Variants in PEAK1 observed in about 807,000 individuals in gnomAD.
PEAK1 encodes pseudopodium enriched atypical kinase 1.
Under a neutral mutation model 124.7 loss-of-function variants are expected in PEAK1, and 54 were observed. The ratio of observed to expected loss-of-function variants is 0.43; its 90% CI spans 0.35 to 0.54. The LOEUF is 0.54. Among genes scored for constraint, PEAK1 ranks in the 20% least tolerant of loss-of-function variants. The pLI is 0.01. For missense variants in PEAK1, 2,046 were observed against 2,134.5 expected (o/e 0.96, Z 0.82); for synonymous variants, 719 against 760.0 (o/e 0.95, Z 0.89).
rs757822813 is a variant in PEAK1, at chr15:77,114,912, C to T, written c.4485G>A (p.Leu1495=). 6.2e-7 allele frequency: 1 copy of T among 1,613,884 alleles called. No homozygotes were observed. The highest frequency in any genetic ancestry group is 1.3e-5 in the African/African-American group (1 of 74,878). ...GACCAGAGCATAGCTGTAAGAGCAG[C>T]AGACACACCTGCCTCTCATACAAAT... ...SPDLYERQVC[L]LLLQLCSGLE... is the part of the protein sequence containing the mutation. The change falls in exon 10 of 10, where the codon CTG becomes CTA. Residue 1495 remains leucine, a synonymous_variant. Coordinates refer to ENST00000682557, the MANE Select transcript of PEAK1 (RefSeq NM_001385026.1).
intron 6 of PEAK1, among the ~76,000 whole-genome samples, chr15:77,218,386 C>G (rs2059237693): frequency 6.6e-6 from 1 of 151,684 alleles, no homozygotes; most frequent in Admixed American, 6.6e-5. Context: ...TTGAAATAAT[C>G]ATGTTTTTTT....
intron 2 of PEAK1, among the ~76,000 whole-genome samples, chr15:77,330,317 G>A (rs2065820933): frequency 6.6e-6 from 1 of 152,052 alleles, no homozygotes; most frequent in Non-Finnish European, 1.5e-5. Context: ...TCTCTTGACA[G>A]GGTTATTACA....
intron 2 of PEAK1, chr15:77,347,661 T>C (rs1371151253): frequency 1.5e-5 from 15 of 976,078 alleles, no homozygotes; most frequent in Non-Finnish European, 1.7e-5. Flanking sequence ...TATAACAACA[T>C]AAAACAACAC....
At chr15:77,411,113 A>G (rs541604038) in intron 1 of PEAK1, among the ~76,000 whole-genome samples, 1 of 152,258 alleles carries the variant, frequency 6.6e-6, no homozygotes, top group South Asian at 2.1e-4. Context: ...CAGATGATAA[A>G]TGTGAATGTC....
intron 1 of PEAK1, chr15:77,404,832 A>T: frequency 2.1e-6 from 2 of 949,946 alleles, no homozygotes; most frequent in Non-Finnish European, 2.5e-6. Context: ...ATCGAATGTA[A>T]CTTAGCAATA....
chr15:77,100,665 A>G (rs1013535292), exon 7 of PEAK1: 4 of 152,222 alleles, frequency 2.6e-5, no homozygotes, highest in African/African-American at 2.4e-5. Context: ...TCGCCTGATC[A>G]CTTTATTAGC....
intron 1 of PEAK1, among the ~76,000 whole-genome samples, chr15:77,371,777 A>G (rs1018812102): frequency 4.6e-5 from 7 of 152,174 alleles, no homozygotes; most frequent in African/African-American, 1.7e-4. Context: ...AATTGCAGCT[A>G]CTCGGGAGGC....
In PEAK1 at chr15:77,112,493, T is replaced by C. The variant is rs996111530; in HGVS notation, c.*1663A>G. ...ACATGTCTGTCAACCCTGCCACAGG[T>C]TGCTTTTCTAGAGGCCTGGCCTCTA... is the stretch of plus-strand genomic sequence containing the variant. On this transcript the variant is annotated 3_prime_UTR_variant, in exon 10 of 10. Coordinates refer to ENST00000682557, the MANE Select transcript of PEAK1 (RefSeq NM_001385026.1). 6.6e-6 allele frequency: 1 copy of C among 152,238 alleles called. No individual in the cohort carries two copies. Among genetic ancestry groups the C allele is most frequent in the African/African-American group, 2.4e-5 (1 of 41,460 alleles). 9.4% of individuals were successfully genotyped at this position (152,238 alleles called of 1,614,324 possible). A position where few individuals can be genotyped will look rare whatever the true frequency, so the allele number is the denominator to read the frequency against.
At chr15:77,171,326 C>A (rs1220399006) in intron 7 of PEAK1, among the ~76,000 whole-genome samples, 1 of 152,010 alleles carries the variant, frequency 6.6e-6, no homozygotes, top group Non-Finnish European at 1.5e-5. Context: ...CTGAGAACAT[C>A]TGAAAATAAT....
intron 6 of PEAK1, among the ~76,000 whole-genome samples, chr15:77,192,111 A>C (rs1395062719): frequency 6.6e-6 from 1 of 152,254 alleles, no homozygotes; most frequent in Non-Finnish European, 1.5e-5. Context: ...AGAAATATCC[A>C]GATCTTTAAT....
intron 2 of PEAK1, among the ~76,000 whole-genome samples, chr15:77,340,725 A>G (rs1282379126): frequency 6.6e-6 from 1 of 152,192 alleles, no homozygotes; most frequent in Non-Finnish European, 1.5e-5. Flanking sequence ...TTGTAATTCA[A>G]TTCTGGCACT....
intron 8 of PEAK1, chr15:77,155,077 G>A (rs1246707680): frequency 6.6e-6 from 1 of 152,204 alleles, no homozygotes; most frequent in Non-Finnish European, 1.5e-5. Flanking sequence ...CCTGCAGAGT[G>A]TTTTCCAGCT....
At chr15:77,189,962 G>T (rs1196524004) in intron 6 of PEAK1, among the ~76,000 whole-genome samples, 1 of 152,116 alleles carries the variant, frequency 6.6e-6, no homozygotes, top group African/African-American at 2.4e-5. Flanking sequence ...GTGGGAAAAA[G>T]GAAATTGGGA....
At chr15:77,281,020 TG>T (rs1000694047) in intron 5 of PEAK1, among the ~76,000 whole-genome samples, 1 of 151,976 alleles carries the variant, frequency 6.6e-6, no homozygotes, top group Non-Finnish European at 1.5e-5. Context: ...ATTAGCCAGG[TG>T]GGGTGACACC....
intron 2 of PEAK1, chr15:77,351,005 A>G (rs2067175414): frequency 1.1e-6 from 1 of 938,938 alleles, no homozygotes; most frequent in Non-Finnish European, 1.3e-6. Flanking sequence ...ACTAGGCACT[A>G]TTGGTATTAG....
At chr15:77,340,243 G>A (rs930857766) in intron 2 of PEAK1, among the ~76,000 whole-genome samples, 3 of 152,140 alleles carry the variant, frequency 2.0e-5, no homozygotes, top group South Asian at 4.1e-4. Context: ...CAATAGGTAT[G>A]GATAAAGTGT....
At chr15:77,219,838 TGAGA>T (rs1479669102) in intron 6 of PEAK1, among the ~76,000 whole-genome samples, 1 of 152,148 alleles carries the variant, frequency 6.6e-6, no homozygotes, top group East Asian at 1.9e-4. Flanking sequence ...TTTAACTAAT[TGAGA>T]CTCTAAATTC....
intron 9 of PEAK1, among the ~76,000 whole-genome samples, chr15:77,125,267 T>C (rs191974840): frequency 1.3e-5 from 2 of 152,230 alleles, no homozygotes; most frequent in Admixed American, 1.3e-4. Context: ...AGAGGAAGCA[T>C]GTTTTTGTTT....
At chr15:77,318,292 G>C (rs960434725) in intron 2 of PEAK1, among the ~76,000 whole-genome samples, 2 of 152,122 alleles carry the variant, frequency 1.3e-5, no homozygotes, top group Admixed American at 1.3e-4. Context: ...TTATGATTGG[G>C]GGTAACTGGT....
Sources: allele counts gnomAD v4.1 joint callset (sites outside exome capture counted in the v4.1 genomes callset), GRCh38; gene constraint gnomAD v4.1.1; transcripts MANE v1.5; gene names NCBI Gene and HGNC (gene_info 2026-07-23, HGNC 2026-07-21).